Variants in DHRSX observed in about 807,000 individuals in gnomAD.
DHRSX encodes dehydrogenase/reductase X-linked.
Under a neutral mutation model 34.0 loss-of-function variants are expected in DHRSX, and 31 were observed. The observed-to-expected ratio is 0.91, with a 90% CI of 0.69 to 1.23. The LOEUF (loss-of-function observed/expected upper bound fraction) is 1.23. Among genes scored for constraint, DHRSX ranks in the 50% most tolerant of loss-of-function variants. The pLI is 0.00. For missense variants in DHRSX, 414 were observed against 428.1 expected (o/e 0.97, Z 0.29); for synonymous variants, 201 against 183.8 (o/e 1.09, Z -0.76).
chrX:2,371,663 C>G (rs1488612418), intron 3 of DHRSX, among the ~76,000 whole-genome samples: 7 of 150,928 alleles, frequency 4.6e-5, no homozygotes, highest in Admixed American at 6.6e-5. Context: ...CTCCCCTTAC[C>G]ATAGTCCCTC....
chrX:2,254,164 G>A (rs187026184), intron 5 of DHRSX, among the ~76,000 whole-genome samples: 8 of 152,224 alleles, frequency 5.3e-5, no homozygotes, highest in South Asian at 4.1e-4. Context: ...CTCCGTAGGC[G>A]GTGTCCTTTT....
intron 1 of DHRSX, among the ~76,000 whole-genome samples, chrX:2,483,880 AT>A (rs1380411900): frequency 6.6e-6 from 1 of 151,774 alleles, no homozygotes; most frequent in Non-Finnish European, 1.5e-5. Context: ...ACATTCGTAC[AT>A]TTTTTTTCTG....
At chrX:2,360,029 C>G (rs1246374828) in intron 3 of DHRSX, among the ~76,000 whole-genome samples, 1 of 151,990 alleles carries the variant, frequency 6.6e-6, no homozygotes, top group Admixed American at 6.6e-5. Context: ...ACGAGTTTAC[C>G]TATGTAACAA....
intron 5 of DHRSX, among the ~76,000 whole-genome samples, chrX:2,264,231 G>A (rs1278001277): frequency 2.0e-5 from 3 of 152,120 alleles, no homozygotes; most frequent in Non-Finnish European, 4.4e-5. Context: ...GCAGATACAG[G>A]TAGCAGTGTG....
Position 2,244,448 on chromosome X carries a change from C to T in DHRSX, c.597-1218G>A, listed in dbSNP as rs1049343981. Among the ~76,000 whole-genome samples, 185 of 152,208 alleles carry T rather than the reference C, an allele frequency of 1.2e-3. 1 individual carries two copies. The highest frequency in any genetic ancestry group is 3.5e-3 in the Admixed American group (53 of 15,276). On this transcript the variant is annotated intron_variant, in intron 5 of 6. Coordinates refer to ENST00000334651, the MANE Select transcript of DHRSX (RefSeq NM_145177.3). The stretch of plus-strand genomic sequence containing the variant: ...AGATGTTATTTGCGGTGTTACATAA[C>T]GTCCCTTGAAGGCACACAACCACCA...
At chrX:2,304,236 G>A (rs1569485906) in intron 3 of DHRSX, among the ~76,000 whole-genome samples, 9 of 133,390 alleles carry the variant, frequency 6.7e-5, no homozygotes, top group African/African-American at 2.0e-4. Flanking sequence ...TGGATGGATG[G>A]ATGGATAAAT....
At chrX:2,298,213 A>C (rs2041957751) in intron 3 of DHRSX, among the ~76,000 whole-genome samples, 1 of 151,782 alleles carries the variant, frequency 6.6e-6, no homozygotes, top group Non-Finnish European at 1.5e-5. Context: ...CCTCCCCTAG[A>C]GCGTCTGGAT....
intron 1 of DHRSX, among the ~76,000 whole-genome samples, chrX:2,449,410 T>C (rs1229207555): frequency 6.6e-6 from 1 of 152,062 alleles, no homozygotes; most frequent in African/African-American, 2.4e-5. Context: ...CAGCTCCCCA[T>C]AGAACTCCAA....
chrX:2,261,826 A>G (rs2041367618), intron 5 of DHRSX: 1 of 152,196 alleles, frequency 6.6e-6, no homozygotes, highest in South Asian at 2.1e-4. Flanking sequence ...TATCAACCCC[A>G]AAGTGAGCTC....
intron 4 of DHRSX, among the ~76,000 whole-genome samples, chrX:2,283,779 C>G (rs2041764129): frequency 6.6e-6 from 1 of 152,234 alleles, no homozygotes; most frequent in Admixed American, 6.5e-5. Context: ...TCATTTGCAT[C>G]ATTTGAATTC....
intron 3 of DHRSX, among the ~76,000 whole-genome samples, chrX:2,359,162 T>C (rs2042895618): frequency 6.6e-6 from 1 of 152,130 alleles, no homozygotes; most frequent in African/African-American, 2.4e-5. Context: ...GGAGTGTAAA[T>C]TAGTTCCAAC....
intron 3 of DHRSX, among the ~76,000 whole-genome samples, chrX:2,353,383 A>C (rs1277366053): frequency 2.0e-5 from 3 of 152,250 alleles, no homozygotes; most frequent in African/African-American, 7.2e-5. Flanking sequence ...GAAGTTGTGC[A>C]GGAAAAAAAG....
intron 4 of DHRSX, among the ~76,000 whole-genome samples, chrX:2,272,744 G>A (rs1602848119): frequency 6.6e-6 from 1 of 152,176 alleles, no homozygotes; most frequent in South Asian, 2.1e-4. Flanking sequence ...AAGCTATCCT[G>A]GACATCCAAC....
intron 3 of DHRSX, among the ~76,000 whole-genome samples, chrX:2,352,299 G>A (rs941487861): frequency 3.2e-4 from 48 of 152,126 alleles, no homozygotes; most frequent in African/African-American, 1.0e-3. Flanking sequence ...GAATGGGATA[G>A]TATCTGTTTT....
chrX:2,248,226 G>A (rs1349816059), intron 5 of DHRSX, among the ~76,000 whole-genome samples: 1 of 152,114 alleles, frequency 6.6e-6, no homozygotes, highest in East Asian at 1.9e-4. Flanking sequence ...AAGGTCAGGA[G>A]ATCGAGACTA....
At chrX:2,375,782 A>G (rs6567624) in intron 3 of DHRSX, among the ~76,000 whole-genome samples, 25,761 of 134,778 alleles carry the variant, frequency 0.19, 5,778 homozygotes, top group African/African-American at 0.35. Flanking sequence ...ACAGGCGTGC[A>G]CCCCCACGCC....
At chrX:2,454,286 G>A (rs774284075) in intron 1 of DHRSX, among the ~76,000 whole-genome samples, 3 of 152,210 alleles carry the variant, frequency 2.0e-5, no homozygotes, top group African/African-American at 7.2e-5. Context: ...CAGCACTTTG[G>A]GAGGCTGAGG....
chrX:2,445,651 C>T (rs1173028786), intron 1 of DHRSX, among the ~76,000 whole-genome samples: 3 of 151,810 alleles, frequency 2.0e-5, no homozygotes, highest in East Asian at 1.9e-4. Context: ...AAGGGACCAC[C>T]GCCATGTACA....
chrX:2,402,781 C>A (rs2043502477), intron 3 of DHRSX, among the ~76,000 whole-genome samples: 1 of 151,844 alleles, frequency 6.6e-6, no homozygotes, highest in Non-Finnish European at 1.5e-5. Context: ...TACAGGCATG[C>A]AATGTGTAAT....
Sources: gnomAD v4.1 joint callset for allele counts (sites outside exome capture counted in the v4.1 genomes callset) on GRCh38, gnomAD v4.1.1 for gene constraint, MANE v1.5 for transcripts, NCBI Gene and HGNC (gene_info 2026-07-23, HGNC 2026-07-21) for gene names.